Variants in RASSF5 observed in about 807,000 individuals in gnomAD.
RASSF5 encodes Ras association domain family member 5, also known as ras association domain-containing protein 5.
In RASSF5, 25 loss-of-function variants were observed where a neutral mutation model predicts 40.5. The observed-to-expected ratio is 0.62, with a 90% CI of 0.45 to 0.86. The LOEUF (loss-of-function observed/expected upper bound fraction) is 0.86, where lower values mean the gene tolerates loss of function less well. Among genes scored for constraint, RASSF5 ranks in the 40% least tolerant of loss-of-function variants. The pLI, the probability that RASSF5 is intolerant of heterozygous loss-of-function variation, is 0.00. For missense variants in RASSF5, 521 were observed against 572.8 expected (o/e 0.91, Z 0.92); for synonymous variants, 246 against 252.4 (o/e 0.97, Z 0.24).
intron 2 of RASSF5, chr1:206,541,968 C>T (rs1427578331): frequency 6.6e-6 from 1 of 152,226 alleles, no homozygotes; most frequent in Admixed American, 6.5e-5. Flanking sequence ...TCATTATCAC[C>T]CACTGCGGCC....
At chr1:206,574,262 C>T (rs782556647) in intron 2 of RASSF5, among the ~76,000 whole-genome samples, 34 of 152,174 alleles carry the variant, frequency 2.2e-4, no homozygotes, top group Admixed American at 5.2e-4. Flanking sequence ...CTGCTTGAGG[C>T]TTTTTGTCCC....
At chr1:206,517,107 G>A (rs1461879403) in intron 1 of RASSF5, among the ~76,000 whole-genome samples, 1 of 152,196 alleles carries the variant, frequency 6.6e-6, no homozygotes, top group Non-Finnish European at 1.5e-5. Flanking sequence ...GAGCACAGAC[G>A]TATAAGTGCA....
chr1:206,516,522 TCTCGGCTGACCGCAAC>T (rs1424468350), intron 1 of RASSF5, among the ~76,000 whole-genome samples: 1 of 152,042 alleles, frequency 6.6e-6, no homozygotes, highest in Non-Finnish European at 1.5e-5. Flanking sequence ...AGTGGTGCAA[TCTCGGCTGACCGCAAC>T]CTCTGCCTCC....
chr1:206,565,135 C>T lies in RASSF5; in HGVS notation c.580-18134C>T, dbSNP rs116275540. Among the ~76,000 whole-genome samples, 1,200 of 152,256 alleles carry T rather than the reference C, an allele frequency of 7.9e-3. 19 individuals carry two copies. Among genetic ancestry groups the T allele is most frequent in the African/African-American group, 0.028 (1,146 of 41,546 alleles). ...ATTTCTCTGTCTCTGCCCCACCCTC[C>T]TAGTCCCCCACCTTCAATACCTCAG... On this transcript the variant is annotated intron_variant, in intron 2 of 5. Coordinates refer to ENST00000579436, the MANE Select transcript of RASSF5 (RefSeq NM_182663.4).
intron 3 of RASSF5, 191 bp downstream of exon 3, chr1:206,583,570 A>C: frequency 1.7e-6 from 1 of 571,502 alleles, no homozygotes. Flanking sequence ...GCTTTAGGGA[A>C]ATAGATCTGA....
chr1:206,575,735 A>G (rs1321948780), intron 2 of RASSF5, among the ~76,000 whole-genome samples: 3 of 152,224 alleles, frequency 2.0e-5, no homozygotes, highest in Admixed American at 1.3e-4. Context: ...GTATCACTTC[A>G]TGATTTCACA....
intron 5 of RASSF5, 187 bp from the exon 6 acceptor site, chr1:206,586,639 T>C: frequency 3.4e-6 from 2 of 587,372 alleles, no homozygotes; most frequent in Non-Finnish European, 6.1e-6. Context: ...GCATTTGGAA[T>C]TTTGTTGCTG....
intron 1 of RASSF5, among the ~76,000 whole-genome samples, chr1:206,509,712 A>G (rs1415664392): frequency 7.1e-6 from 1 of 140,456 alleles, no homozygotes; most frequent in Non-Finnish European, 1.5e-5. Context: ...TTTTGCACAT[A>G]GTTTTGTGAT....
At chr1:206,581,637 G>A (rs1199830371) in intron 2 of RASSF5, among the ~76,000 whole-genome samples, 13 of 150,824 alleles carry the variant, frequency 8.6e-5, no homozygotes, top group African/African-American at 3.2e-4. Flanking sequence ...AGAGAGGGGG[G>A]AGAGAGAGAG....
Position 206,507,615 on chromosome 1 carries a change from T to A in RASSF5, c.13T>A (p.Ser5Thr). MAMA[S>T]PAIGQRPYPL... ...CCACTAGCCGGGCATGGCCATGGCG[T>A]CCCCGGCCATCGGGCAGCGCCCGTA... The change falls in exon 1 of 6, where the codon TCC becomes ACC. Residue 5 changes from serine to threonine, a missense_variant. Ser to Thr is a moderately conservative substitution (Grantham distance 58). Coordinates refer to ENST00000579436, the MANE Select transcript of RASSF5 (RefSeq NM_182663.4). The A allele has an allele frequency of 6.6e-7, 1 of 1,517,674 alleles. No individual in the cohort carries two copies. 94.0% of individuals were successfully genotyped at this position (1,517,674 alleles called of 1,614,324 possible).
chr1:206,523,929 TATATA>T (rs1408869778), intron 1 of RASSF5, among the ~76,000 whole-genome samples: 2 of 114,940 alleles, frequency 1.7e-5, no homozygotes, highest in African/African-American at 7.3e-5. Flanking sequence ...ATATATACCA[TATATA>T]ATATATTTTA....
chr1:206,507,713 C>T lies in RASSF5; in HGVS notation c.111C>T (p.Pro37=), dbSNP rs781824025. The change falls in exon 1 of 6, where the codon CCC becomes CCT. Residue 37 remains proline (P), a synonymous_variant. Coordinates refer to ENST00000579436, the MANE Select transcript of RASSF5 (RefSeq NM_182663.4). ...SLSGPELPPP[P]PDRSSRLCVP... ...GCGGCCCCGAGCTACCGCCGCCGCCCCCCGACCGGTCCTCGCGCCTCTGTG... is the reference window on the plus strand; with the variant it reads ...GCGGCCCCGAGCTACCGCCGCCGCCTCCCGACCGGTCCTCGCGCCTCTGTG... 1 of 1,487,662 alleles carries T rather than the reference C, an allele frequency of 6.7e-7. No homozygotes were observed. The highest frequency in any genetic ancestry group is 3.0e-5 in the East Asian group (1 of 33,422). 92.2% of individuals were successfully genotyped at this position (1,487,662 alleles called of 1,614,324 possible).
intron 2 of RASSF5, among the ~76,000 whole-genome samples, chr1:206,578,232 A>G (rs868941665): frequency 6.8e-4 from 89 of 130,520 alleles, no homozygotes; most frequent in African/African-American, 2.4e-3. Flanking sequence ...CAAAAAAAAA[A>G]AGTGTGTGTG....
At chr1:206,546,182 C>T (rs896518802) in intron 2 of RASSF5, among the ~76,000 whole-genome samples, 2 of 137,044 alleles carry the variant, frequency 1.5e-5, no homozygotes, top group African/African-American at 5.5e-5. Context: ...AATCATGGCT[C>T]ACTGCAGCTT....
At chr1:206,516,520 A>G (rs1301650184) in intron 1 of RASSF5, among the ~76,000 whole-genome samples, 1 of 151,902 alleles carries the variant, frequency 6.6e-6, no homozygotes, top group East Asian at 1.9e-4. Flanking sequence ...GCAGTGGTGC[A>G]ATCTCGGCTG....
chr1:206,578,216 A>C (rs1668727768), intron 2 of RASSF5, among the ~76,000 whole-genome samples: 1 of 113,354 alleles, frequency 8.8e-6, no homozygotes. Flanking sequence ...ACAGAGGGAG[A>C]CATCTCAAAA....
chr1:206,559,310 G>T (rs1553402273), intron 2 of RASSF5, among the ~76,000 whole-genome samples: 3 of 152,246 alleles, frequency 2.0e-5, no homozygotes, highest in African/African-American at 7.2e-5. Flanking sequence ...TTCAGAGGGT[G>T]AGATTTTTGC....
chr1:206,588,466 G>A lies in RASSF5; in HGVS notation c.*1488G>A, dbSNP rs1367614060. The A allele has an allele frequency of 6.6e-6, 1 of 152,346 alleles. No homozygotes were observed. The highest frequency in any genetic ancestry group is 2.1e-4 in the South Asian group (1 of 4,830). The allele number at this position is 152,346 out of a possible 1,614,324, so 9.4% of individuals were successfully genotyped here. A position where few individuals can be genotyped will look rare whatever the true frequency, so the allele number is the denominator to read the frequency against. ...AGACACTCCAGTGCAGAGGGAGAAGGACTTGTAATTTTCAAAGCAGGGCTG... is the reference window on the plus strand; with the variant it reads ...AGACACTCCAGTGCAGAGGGAGAAGAACTTGTAATTTTCAAAGCAGGGCTG... On this transcript the variant is annotated 3_prime_UTR_variant, in exon 6 of 6. Coordinates refer to ENST00000579436, the MANE Select transcript of RASSF5 (RefSeq NM_182663.4).
rs1669069969 is a variant in RASSF5, at chr1:206,585,345, GGTGCAGGTGGGTGT to G, written c.1104+51_1104+64del. On this transcript the variant is annotated intron_variant, in intron 5 of 5. Coordinates refer to ENST00000579436, the MANE Select transcript of RASSF5 (RefSeq NM_182663.4). ...CCCAGGCCTTAGGGCACCCTGGGTG[GGTGCAGGTGGGTGT>G]TGTCCTAACTACCTCACATAGGTGG... 3.0e-6 allele frequency: 4 copies of G among 1,336,184 alleles called. No individual in the cohort carries two copies. In the East Asian group the frequency reaches 9.2e-5, roughly 31 times the overall value. The allele number at this position is 1,336,184 out of a possible 1,614,324, so 82.8% of individuals were successfully genotyped here. A position where few individuals can be genotyped will look rare whatever the true frequency, so the allele number is the denominator to read the frequency against.
Sources: gnomAD v4.1 joint callset for allele counts (sites outside exome capture counted in the v4.1 genomes callset) on GRCh38, gnomAD v4.1.1 for gene constraint, MANE v1.5 for transcripts, NCBI Gene and HGNC (gene_info 2026-07-23, HGNC 2026-07-21) for gene names.